The following DSCAML1 variants were observed in gnomAD, a reference collection of about 807,000 sequenced individuals.
DSCAML1 encodes DS cell adhesion molecule like 1, also known as cell adhesion molecule DSCAML1.
A neutral mutation model predicts 200.5 loss-of-function variants in DSCAML1; 38 were observed. The ratio of observed to expected loss-of-function variants is 0.19; its 90% CI spans 0.15 to 0.25. DSCAML1 has a LOEUF of 0.25. DSCAML1 is among the 10% of genes least tolerant of loss of function. The pLI is 1.00. For missense variants in DSCAML1, 2,223 were observed against 2,858.8 expected, an observed-to-expected ratio of 0.78 and a Z score of 5.07; for synonymous variants, 1,215 against 1,165.0, an observed-to-expected ratio of 1.04 and a Z score of -0.87.
intron 1 of DSCAML1, among the ~76,000 whole-genome samples, chr11:117,796,389 C>T (rs1004472850): frequency 6.7e-6 from 1 of 150,090 alleles, no homozygotes; most frequent in Non-Finnish European, 1.5e-5. Flanking sequence ...GGGCTAAAGC[C>T]GGGGCAGAGG....
intron 1 of DSCAML1, among the ~76,000 whole-genome samples, chr11:117,783,011 G>A (rs1486851081): frequency 2.6e-5 from 4 of 152,136 alleles, no homozygotes; most frequent in African/African-American, 7.2e-5. Flanking sequence ...TGTAACCACT[G>A]CAATAATAAA....
intron 3 of DSCAML1, among the ~76,000 whole-genome samples, chr11:117,608,416 G>A (rs975462905): frequency 8.5e-5 from 13 of 152,082 alleles, no homozygotes; most frequent in African/African-American, 2.9e-4. Flanking sequence ...TAACATTTTG[G>A]TGTCTTTTCT....
intron 1 of DSCAML1, among the ~76,000 whole-genome samples, chr11:117,796,820 C>A (rs1242183471): frequency 6.6e-6 from 1 of 152,190 alleles, no homozygotes; most frequent in African/African-American, 2.4e-5. Context: ...CGCCCCAAAA[C>A]GGCAGACGCG....
At chr11:117,680,966 G>T (rs2053299930) in intron 3 of DSCAML1, among the ~76,000 whole-genome samples, 1 of 152,198 alleles carries the variant, frequency 6.6e-6, no homozygotes, top group African/African-American at 2.4e-5. Flanking sequence ...AAAGAGCATG[G>T]GGAAGGGGGA....
chr11:117,730,887 G>A (rs2054205855), intron 3 of DSCAML1, among the ~76,000 whole-genome samples: 2 of 152,156 alleles, frequency 1.3e-5, no homozygotes, highest in Admixed American at 6.5e-5. Context: ...TCTTCTAAGT[G>A]AAAAAAGCCG....
At chr11:117,434,154 G>T (rs2047859381) in intron 27 of DSCAML1, among the ~76,000 whole-genome samples, 1 of 152,152 alleles carries the variant, frequency 6.6e-6, no homozygotes, top group Non-Finnish European at 1.5e-5. Context: ...CCATCCAATT[G>T]TCTGGCTATC....
At position 117,507,484 on chromosome 11, in the gene DSCAML1, G is replaced by A. The variant is rs145129175; in HGVS notation, c.1784-1752C>T. On this transcript the variant is annotated intron_variant, in intron 8 of 32. Coordinates refer to ENST00000651296, the MANE Select transcript of DSCAML1 (RefSeq NM_020693.4). ...CCAGGTGTGGACACAGAAAAACCCA[G>A]GCAGCCCTTTGGATCCTGGGAGAGT... Among the ~76,000 whole-genome samples, 140 of 152,340 alleles carry A rather than the reference G, an allele frequency of 9.2e-4. 1 individual carries two copies. Among genetic ancestry groups the A allele is most frequent in the Non-Finnish European group, 1.7e-3 (113 of 68,034 alleles).
chr11:117,793,756 G>A (rs186491414), intron 1 of DSCAML1, among the ~76,000 whole-genome samples: 17 of 152,250 alleles, frequency 1.1e-4, no homozygotes, highest in Admixed American at 8.5e-4. Context: ...CAACTTAAGC[G>A]CCGCCTTTGG....
At chr11:117,788,357 G>C (rs1048098450) in intron 1 of DSCAML1, among the ~76,000 whole-genome samples, 4 of 152,050 alleles carry the variant, frequency 2.6e-5, no homozygotes, top group Admixed American at 1.3e-4. Context: ...GACGGAGTCT[G>C]GCTCTGTCAC....
intron 2 of DSCAML1, among the ~76,000 whole-genome samples, chr11:117,778,689 T>C (rs144470595): frequency 1.3e-4 from 20 of 152,372 alleles, no homozygotes; most frequent in Non-Finnish European, 2.6e-4. Context: ...AACACATGTA[T>C]AGACTTACTG....
At position 117,767,243 on chromosome 11, in the gene DSCAML1, G is replaced by T. The variant is rs187358240; in HGVS notation, c.511+9548C>A. Among the ~76,000 whole-genome samples the T allele has an allele frequency of 1.2e-4, 19 of 152,224 alleles. No individual in the cohort carries two copies. The East Asian group carries it at 2.3e-3, about 19-fold the overall frequency. On this transcript the variant is annotated intron_variant, in intron 3 of 32. Coordinates refer to ENST00000651296, the MANE Select transcript of DSCAML1 (RefSeq NM_020693.4). Reference sequence around the variant, plus strand: ...CAGATTCTGCCTCGTCATTTCCTCAGGGTATGGCCTTGGGAAGGCTGACCT... The same window carrying T: ...CAGATTCTGCCTCGTCATTTCCTCATGGTATGGCCTTGGGAAGGCTGACCT...
At chr11:117,544,754 A>G (rs1211021051) in intron 3 of DSCAML1, among the ~76,000 whole-genome samples, 1 of 152,206 alleles carries the variant, frequency 6.6e-6, no homozygotes, top group African/African-American at 2.4e-5. Flanking sequence ...TTCAAGTCCC[A>G]GCTCAGGCCA....
chr11:117,432,402 A>G lies in DSCAML1; in HGVS notation c.5129T>C (p.Ile1710Thr), dbSNP rs750675127. The change falls in exon 30 of 33, where the codon ATC becomes ACC. Residue 1710 changes from isoleucine to threonine, a missense_variant. Ile to Thr is a moderately conservative substitution (Grantham distance 89). This residue lies in a region of DSCAML1 where 614 missense variants were observed against 739.1 expected (regional missense o/e 0.83). Transcript: ENST00000651296. The stretch of plus-strand genomic sequence containing the variant: ...GTCGATGAGGGGTCCTGTGCTCTGG[A>G]TGAGGGTTGGGTGGTGCAAGGAGAC... ...TGVSLHHPTL[I>T]QSTGPLIDMS... 1.2e-6 allele frequency: 2 copies of G among 1,613,884 alleles called. No homozygotes were observed. The highest frequency in any genetic ancestry group is 2.2e-5 in the East Asian group (1 of 44,874).
At chr11:117,468,856 C>T (rs1274063397) in intron 16 of DSCAML1, among the ~76,000 whole-genome samples, 3 of 152,224 alleles carry the variant, frequency 2.0e-5, no homozygotes, top group Non-Finnish European at 2.9e-5. Context: ...GTCTACCTTT[C>T]TAAAGAGCCC....
At chr11:117,448,838 C>T (rs1011024436) in intron 20 of DSCAML1, among the ~76,000 whole-genome samples, 23 of 152,094 alleles carry the variant, frequency 1.5e-4, no homozygotes, top group East Asian at 3.9e-4. Context: ...TGTGACCTAG[C>T]GCTTCCTCTC....
intron 3 of DSCAML1, among the ~76,000 whole-genome samples, chr11:117,768,191 T>C (rs1002259035): frequency 6.6e-6 from 1 of 152,224 alleles, no homozygotes; most frequent in East Asian, 1.9e-4. Context: ...ACTATGTTGG[T>C]ACAAAACCGC....
intron 3 of DSCAML1, among the ~76,000 whole-genome samples, chr11:117,745,696 C>G (rs558752314): frequency 6.6e-6 from 1 of 152,164 alleles, no homozygotes; most frequent in East Asian, 1.9e-4. Flanking sequence ...AGCTTATCTG[C>G]CTGCCTCGTT....
At chr11:117,637,543 C>T (rs2052317350) in intron 3 of DSCAML1, among the ~76,000 whole-genome samples, 1 of 152,086 alleles carries the variant, frequency 6.6e-6, no homozygotes, top group Non-Finnish European at 1.5e-5. Flanking sequence ...GACGGGGTTT[C>T]ACCATGTTGG....
In DSCAML1 at chr11:117,463,944, C is replaced by A. The variant is rs912835949; in HGVS notation, c.3265+998G>T. Among the ~76,000 whole-genome samples, 4 of 152,226 alleles carry A rather than the reference C, an allele frequency of 2.6e-5. No homozygotes were observed. Among genetic ancestry groups the A allele is most frequent in the African/African-American group, 9.7e-5 (4 of 41,440 alleles). On this transcript the variant is annotated intron_variant, in intron 17 of 32. Transcript: ENST00000651296. This position sits in a 1 kb window ranked among gnomAD's most constrained non-coding sequence, Gnocchi z 4.0. ...TTAGGAACCATTGGTATGAGCGAAT[C>A]TACTTTCAGGTGTTTCTGACCTAAT...
Sources: allele counts gnomAD v4.1 joint callset (sites outside exome capture counted in the v4.1 genomes callset), GRCh38; gene constraint gnomAD v4.1.1; regional missense constraint gnomAD v4.1.1; non-coding constraint Gnocchi (gnomAD v3.1); transcripts MANE v1.5; gene names NCBI Gene and HGNC (gene_info 2026-07-23, HGNC 2026-07-21).